GJB7: variants seen among roughly 807,000 people sequenced by gnomAD.
GJB7 encodes gap junction protein beta 7.
For synonymous variants in GJB7, 87 were observed against 95.2 expected, an observed-to-expected ratio of 0.91 and a Z score of 0.50; for missense variants, 253 against 256.8, an observed-to-expected ratio of 0.99 and a Z score of 0.10.
chr6:87,291,699 T>A (rs1776176664), intron 2 of GJB7, among the ~76,000 whole-genome samples: 1 of 152,224 alleles, frequency 6.6e-6, no homozygotes, highest in Non-Finnish European at 1.5e-5. Context: ...GCACATGTGA[T>A]GCGGCACAAA....
chr6:87,308,208 A>G (rs1442658164), intron 2 of GJB7, among the ~76,000 whole-genome samples: 1 of 139,620 alleles, frequency 7.2e-6, no homozygotes, highest in Admixed American at 7.1e-5. Flanking sequence ...GGGGAACATC[A>G]CCCACCGGGG....
intron 2 of GJB7, among the ~76,000 whole-genome samples, chr6:87,308,264 A>G (rs1776462574): frequency 6.6e-6 from 1 of 152,146 alleles, no homozygotes; most frequent in Admixed American, 6.5e-5. Flanking sequence ...ATTAGGAGAT[A>G]TACCTAATGT....
intron 2 of GJB7, among the ~76,000 whole-genome samples, chr6:87,293,886 A>G (rs1463507176): frequency 6.6e-6 from 1 of 152,230 alleles, no homozygotes; most frequent in Non-Finnish European, 1.5e-5. Context: ...AAGCTGGAAG[A>G]CGGAGAAATT....
intron 2 of GJB7, among the ~76,000 whole-genome samples, chr6:87,315,655 G>A (rs1218540000): frequency 6.6e-6 from 1 of 151,956 alleles, no homozygotes; most frequent in African/African-American, 2.4e-5. Context: ...AATTAGCAGG[G>A]CATAGTGGGG....
intron 2 of GJB7, among the ~76,000 whole-genome samples, chr6:87,308,458 G>T (rs1200639719): frequency 6.6e-6 from 1 of 151,962 alleles, no homozygotes. Flanking sequence ...CAGATTAACT[G>T]AAAAAAGATT....
chr6:87,306,826 C>T (rs1367472664), intron 2 of GJB7, among the ~76,000 whole-genome samples: 1 of 152,110 alleles, frequency 6.6e-6, no homozygotes, highest in African/African-American at 2.4e-5. Flanking sequence ...ACATATACAC[C>T]ATGGAATATT....
chr6:87,305,975 T>C lies in GJB7; in HGVS notation c.-28+16891A>G, dbSNP rs1413971063. Among the ~76,000 whole-genome samples, 13 of 152,170 alleles carry C rather than the reference T, an allele frequency of 8.5e-5. 1 individual carries two copies. Among genetic ancestry groups the C allele is most frequent in the East Asian group, 7.7e-4 (4 of 5,188 alleles). On this transcript the variant is annotated intron_variant, in intron 2 of 2. Coordinates refer to ENST00000525899, the MANE Select transcript of GJB7 (RefSeq NM_198568.3). ...GTGCTGGGAAAACTGGCTAGCCATA[T>C]GTAGAAAGCTGAAACTGGATCCCTT... is the stretch of plus-strand genomic sequence containing the variant.
intron 1 of GJB7, among the ~76,000 whole-genome samples, chr6:87,323,546 T>C (rs933926021): frequency 6.6e-6 from 1 of 151,650 alleles, no homozygotes; most frequent in African/African-American, 2.4e-5. Flanking sequence ...GTTCTTGCGA[T>C]AGTTTACTGA....
intron 2 of GJB7, among the ~76,000 whole-genome samples, chr6:87,306,938 G>C (rs375792167): frequency 2.6e-5 from 4 of 151,864 alleles, no homozygotes; most frequent in African/African-American, 9.7e-5. Flanking sequence ...GAAACCAAAC[G>C]CTGCATATTC....
rs988599826 is a variant in GJB7 at position 87,284,006 on chromosome 6, T to C, written c.*235A>G. On this transcript the variant is annotated 3_prime_UTR_variant, in exon 3 of 3. Transcript: ENST00000525899. ...TCTAGAGCTCATAACTGAAAGCATA[T>C]TGACAATGTAAAAAAATTCCTCCCA... The C allele has an allele frequency of 1.4e-5, 7 of 495,794 alleles. No homozygotes were observed. Among genetic ancestry groups the C allele is most frequent in the African/African-American group, 1.9e-5 (1 of 52,322 alleles). The allele number at this position is 495,794 out of a possible 1,614,324, so 30.7% of individuals were successfully genotyped here.
At chr6:87,324,686 T>C (rs1776771343) in intron 1 of GJB7, among the ~76,000 whole-genome samples, 1 of 151,596 alleles carries the variant, frequency 6.6e-6, no homozygotes. Context: ...TGTAGTATAC[T>C]TTGAAGTCAG....
intron 2 of GJB7, among the ~76,000 whole-genome samples, chr6:87,288,190 C>T (rs1365276365): frequency 6.6e-6 from 1 of 152,108 alleles, no homozygotes; most frequent in Non-Finnish European, 1.5e-5. Context: ...CATGAGCCAC[C>T]GTGCCTGGCC....
intron 2 of GJB7, among the ~76,000 whole-genome samples, chr6:87,304,255 G>T (rs1295256256): frequency 2.0e-5 from 3 of 152,080 alleles, no homozygotes; most frequent in African/African-American, 7.2e-5. Flanking sequence ...TTTTTGAAAA[G>T]ATCAACAAAA....
At chr6:87,328,458 T>C (rs1776895986) in intron 1 of GJB7, among the ~76,000 whole-genome samples, 1 of 151,892 alleles carries the variant, frequency 6.6e-6, no homozygotes. Context: ...GTTTGTTAGT[T>C]TTCCTTCTAA....
chr6:87,325,966 G>T (rs186695178), intron 1 of GJB7, among the ~76,000 whole-genome samples: 1 of 152,184 alleles, frequency 6.6e-6, no homozygotes, highest in East Asian at 1.9e-4. Flanking sequence ...TCTATTAAGA[G>T]ATTCAACTTC....
intron 2 of GJB7, chr6:87,322,519 G>C (rs1385972243): frequency 6.6e-6 from 1 of 152,384 alleles, no homozygotes; most frequent in Non-Finnish European, 1.5e-5. Flanking sequence ...GCCTCCGGAA[G>C]ACAGGGGACG....
chr6:87,295,143 A>G (rs993995539), intron 2 of GJB7, among the ~76,000 whole-genome samples: 1 of 152,098 alleles, frequency 6.6e-6, no homozygotes, highest in African/African-American at 2.4e-5. Context: ...GAAATGAGAG[A>G]AGTATGCATA....
At chr6:87,285,492 G>A (rs1776044175) in intron 2 of GJB7, among the ~76,000 whole-genome samples, 1 of 152,106 alleles carries the variant, frequency 6.6e-6, no homozygotes, top group Non-Finnish European at 1.5e-5. Flanking sequence ...GAAAAGTGAA[G>A]CTCCCCAATA....
At chr6:87,321,941 CG>C (rs767397959) in intron 2 of GJB7, among the ~76,000 whole-genome samples, 5 of 152,140 alleles carry the variant, frequency 3.3e-5, no homozygotes, top group Non-Finnish European at 4.4e-5. Flanking sequence ...AGGGGGAAGT[CG>C]GCCCCATGAT....
Sources: gnomAD v4.1 joint callset for allele counts (sites outside exome capture counted in the v4.1 genomes callset) on GRCh38, gnomAD v4.1.1 for gene constraint, MANE v1.5 for transcripts, NCBI Gene and HGNC (gene_info 2026-07-23, HGNC 2026-07-21) for gene names.